MAP2: variants seen among roughly 807,000 people sequenced by gnomAD.
MAP2 encodes the protein microtubule-associated protein 2.
MAP2 carries 14 observed loss-of-function variants against 137.6 expected under a neutral mutation model. The ratio of observed to expected loss-of-function variants is 0.10; its 90% CI spans 0.07 to 0.16. MAP2 has a LOEUF of 0.16. Among genes scored for constraint, MAP2 ranks in the 10% least tolerant of loss-of-function variants. The probability of loss-of-function intolerance (pLI) is 1.00; values close to 1 mark genes in which losing one functional copy is unlikely to be tolerated. For missense variants in MAP2, 2,088 were observed against 2,191.5 expected (o/e 0.95, Z 0.94); for synonymous variants, 786 against 782.3 (o/e 1.00, Z -0.08).
At position 209,693,612 on chromosome 2, in the gene MAP2, T is replaced by TAAA; in HGVS notation, c.1442_1443insAAA (p.Phe481delinsLeuAsn). On this transcript the variant is annotated protein_altering_variant, in exon 8 of 16. Transcript: ENST00000682079. ...ATTCAGACCTCCACAGAGCACACTT[T>TAAA]CTCAGAACAGAAAGACCAAGAGCCT... 1.2e-6 allele frequency: 2 copies of TAAA among 1,613,908 alleles called. No homozygotes were observed. The highest frequency in any genetic ancestry group is 2.2e-5 in the South Asian group (2 of 91,078).
In MAP2 at chr2:209,702,906, C is replaced by T. The variant is rs1014727194; in HGVS notation, c.4584+2568C>T. ...TCAGTTTTATCTGTCATTTCTGTAA[C>T]AGTTAAATCAAATTAATTATTTGAA... On this transcript the variant is annotated intron_variant, in intron 11 of 15. Coordinates refer to ENST00000682079, the MANE Select transcript of MAP2 (RefSeq NM_001375505.1). Among the ~76,000 whole-genome samples, 4 of 152,060 alleles carry T rather than the reference C, an allele frequency of 2.6e-5. No homozygotes were observed. The South Asian group carries it at 8.3e-4, about 32-fold the overall frequency.
Position 209,692,921 on chromosome 2 carries a change from G to A in MAP2, c.751G>A (p.Asp251Asn). Residue 251 changes from aspartate to asparagine, a missense_variant, in exon 8 of 16, where the codon GAC becomes AAC. Physicochemically the swap from Asp to Asn is conservative, Grantham distance 23 (BLOSUM62 1). This residue lies in a region of MAP2 where 859 missense variants were observed against 794.5 expected (regional missense o/e 1.08). Transcript: ENST00000682079. ...ACCAAGCCTTGTAGTACCTGGCATT[G>A]ACCTCCCTAAAGAGCCTCCAACTCC... ...TEPSLVVPGIDLPKEPPTPKE... is the reference protein window; with the variant it reads ...TEPSLVVPGINLPKEPPTPKE... The A allele has an allele frequency of 1.2e-6, 2 of 1,614,092 alleles. No individual in the cohort carries two copies. The highest frequency in any genetic ancestry group is 1.7e-6 in the Non-Finnish European group (2 of 1,179,982).
At chr2:209,625,385 C>T (rs1457001332) in intron 4 of MAP2, among the ~76,000 whole-genome samples, 1 of 152,148 alleles carries the variant, frequency 6.6e-6, no homozygotes, top group Admixed American at 6.6e-5. Flanking sequence ...GGATTGAATT[C>T]AGCCTGTCTC....
chr2:209,438,233 T>C (rs1163232469), intron 1 of MAP2, among the ~76,000 whole-genome samples: 2 of 151,720 alleles, frequency 1.3e-5, no homozygotes, highest in East Asian at 1.9e-4. Flanking sequence ...CAGATACTTA[T>C]GGAAACAGTC....
chr2:209,621,102 T>C (rs949640701), intron 3 of MAP2, among the ~76,000 whole-genome samples: 15 of 151,210 alleles, frequency 9.9e-5, no homozygotes, highest in African/African-American at 3.6e-4. Context: ...GACTGAGGCA[T>C]AAGAATCACT....
intron 7 of MAP2, among the ~76,000 whole-genome samples, chr2:209,682,876 C>T (rs539198046): frequency 1.3e-5 from 2 of 152,238 alleles, no homozygotes; most frequent in South Asian, 4.1e-4. Context: ...GGAAGCCTGA[C>T]ATGACCCTTG....
At chr2:209,678,714 C>G in intron 6 of MAP2, 29 bp downstream of exon 6, 1 of 1,383,196 alleles carries the variant, frequency 7.2e-7, no homozygotes, top group Non-Finnish European at 1.0e-6. Flanking sequence ...AGGTCAGGGA[C>G]TGTGTCTGTT....
intron 1 of MAP2, among the ~76,000 whole-genome samples, chr2:209,446,752 C>G (rs1338365969): frequency 1.3e-5 from 2 of 151,656 alleles, no homozygotes; most frequent in African/African-American, 4.8e-5. Flanking sequence ...AATTGTGAAA[C>G]CAATAATAGT....
At chr2:209,614,324 A>G (rs1036994251) in intron 3 of MAP2, among the ~76,000 whole-genome samples, 1 of 152,182 alleles carries the variant, frequency 6.6e-6, no homozygotes, top group Non-Finnish European at 1.5e-5. Context: ...ATCTTAAAAG[A>G]AACCCCCAAT....
chr2:209,477,436 G>A (rs898033684), intron 1 of MAP2, among the ~76,000 whole-genome samples: 3 of 151,974 alleles, frequency 2.0e-5, no homozygotes, highest in Admixed American at 1.3e-4. Flanking sequence ...AATACATCAT[G>A]ATTTTTTTTT....
At chr2:209,661,943 G>A (rs1343061781) in intron 5 of MAP2, among the ~76,000 whole-genome samples, 1 of 152,156 alleles carries the variant, frequency 6.6e-6, no homozygotes, top group Non-Finnish European at 1.5e-5. Flanking sequence ...ATCAGATAAA[G>A]TTTTGTTTCA....
chr2:209,697,722 A>G (rs969762978), intron 10 of MAP2, among the ~76,000 whole-genome samples: 5 of 152,192 alleles, frequency 3.3e-5, no homozygotes, highest in Admixed American at 6.5e-5. Flanking sequence ...GATTTCTTAA[A>G]TATGTTGGAT....
intron 4 of MAP2, among the ~76,000 whole-genome samples, chr2:209,627,888 C>T (rs1032639761): frequency 1.3e-5 from 2 of 152,082 alleles, no homozygotes; most frequent in Non-Finnish European, 2.9e-5. Context: ...CCTAGCCATG[C>T]CAATTCAATT....
At chr2:209,548,213 T>A (rs367830409) in intron 2 of MAP2, among the ~76,000 whole-genome samples, 24 of 152,328 alleles carry the variant, frequency 1.6e-4, no homozygotes, top group African/African-American at 5.8e-4. Context: ...TGTACATGAT[T>A]GTAATAAGAA....
At chr2:209,447,777 A>T (rs1367103434) in intron 1 of MAP2, among the ~76,000 whole-genome samples, 2 of 152,060 alleles carry the variant, frequency 1.3e-5, no homozygotes. Flanking sequence ...ACTATCAGTT[A>T]TGTCCTAGTT....
chr2:209,653,926 A>G (rs2094965615), intron 5 of MAP2, among the ~76,000 whole-genome samples: 2 of 152,196 alleles, frequency 1.3e-5, no homozygotes, highest in Non-Finnish European at 2.9e-5. Context: ...GTGCCAGTGC[A>G]TGTGCAAGAA....
chr2:209,680,136 A>C (rs2053901719), intron 6 of MAP2, among the ~76,000 whole-genome samples: 1 of 152,134 alleles, frequency 6.6e-6, no homozygotes, highest in South Asian at 2.1e-4. Flanking sequence ...CTAAGACCAG[A>C]AGTTTACTCA....
chr2:209,465,001 C>T (rs1387935548), intron 1 of MAP2, among the ~76,000 whole-genome samples: 1 of 152,046 alleles, frequency 6.6e-6, no homozygotes, highest in African/African-American at 2.4e-5. Context: ...ATATCATAAG[C>T]TTTCTTCTCA....
intron 1 of MAP2, among the ~76,000 whole-genome samples, chr2:209,475,072 G>T (rs1243101137): frequency 6.6e-6 from 1 of 151,920 alleles, no homozygotes; most frequent in African/African-American, 2.4e-5. Context: ...TCCATTTCTT[G>T]TCTTAATCCT....
Sources: gnomAD v4.1 joint callset for allele counts (sites outside exome capture counted in the v4.1 genomes callset) on GRCh38, gnomAD v4.1.1 for gene constraint, gnomAD v4.1.1 regional missense constraint, MANE v1.5 for transcripts, NCBI Gene and HGNC (gene_info 2026-07-23, HGNC 2026-07-21) for gene names.